LSAMP: variants seen among roughly 807,000 people sequenced by gnomAD.
LSAMP encodes limbic system associated membrane protein.
A neutral mutation model predicts 38.6 loss-of-function variants in LSAMP; 7 were observed. That is an observed-to-expected ratio of 0.18 (90% CI 0.10 to 0.34). The LOEUF is 0.34. Ranked by LOEUF, LSAMP falls within the 10% of genes least tolerant of loss-of-function variation. The pLI is 1.00. For synonymous variants in LSAMP, 154 were observed against 166.8 expected (o/e 0.92, Z 0.59); for missense variants, 313 against 420.0 (o/e 0.75, Z 2.23).
intron 2 of LSAMP, among the ~76,000 whole-genome samples, chr3:116,046,984 C>T (rs535099439): frequency 4.8e-4 from 73 of 152,194 alleles, no homozygotes; most frequent in African/African-American, 1.7e-3. Flanking sequence ...AATCATCTCC[C>T]GTTGCAAAGC....
chr3:115,875,272 C>A (rs1936152556), intron 3 of LSAMP, among the ~76,000 whole-genome samples: 1 of 152,124 alleles, frequency 6.6e-6, no homozygotes, highest in Non-Finnish European at 1.5e-5. Flanking sequence ...CAAATATATT[C>A]TTTAACTTCA....
At chr3:115,857,992 T>C (rs900232132) in intron 3 of LSAMP, among the ~76,000 whole-genome samples, 6 of 152,294 alleles carry the variant, frequency 3.9e-5, no homozygotes, top group African/African-American at 1.2e-4. Context: ...GTAGTTGCTA[T>C]GCAAAATGTT....
chr3:116,330,826 A>C (rs2047841912), intron 1 of LSAMP, among the ~76,000 whole-genome samples: 2 of 152,174 alleles, frequency 1.3e-5, no homozygotes, highest in African/African-American at 4.8e-5. Context: ...CCACATTATT[A>C]GATACAAATG....
At chr3:116,226,929 T>G (rs2046348690) in intron 1 of LSAMP, among the ~76,000 whole-genome samples, 1 of 152,202 alleles carries the variant, frequency 6.6e-6, no homozygotes, top group African/African-American at 2.4e-5. Flanking sequence ...TGTAACAAGG[T>G]GAAAGCTGGG....
In LSAMP at chr3:115,805,392, T is replaced by A. The variant is rs1248125047; in HGVS notation, c.*4925A>T. 2 of 152,206 alleles carry A rather than the reference T, an allele frequency of 1.3e-5. No individual in the cohort carries two copies. The allele number at this position is 152,206 out of a possible 1,614,324, so 9.4% of individuals were successfully genotyped here. On this transcript the variant is annotated 3_prime_UTR_variant, in exon 7 of 7. Coordinates refer to ENST00000490035, the MANE Select transcript of LSAMP (RefSeq NM_002338.5). ...AGTTTTTATTTATTTTTATTTGATTTTTTTTTCCTTAAGAATCATAGTAAA... is the reference window on the plus strand; with the variant it reads ...AGTTTTTATTTATTTTTATTTGATTATTTTTTCCTTAAGAATCATAGTAAA...
chr3:116,434,070 C>T (rs1559866820), intron 1 of LSAMP, among the ~76,000 whole-genome samples: 3 of 152,108 alleles, frequency 2.0e-5, no homozygotes, highest in South Asian at 2.1e-4. Context: ...ATCTCTTTAC[C>T]GTACCAATAA....
intron 3 of LSAMP, among the ~76,000 whole-genome samples, chr3:115,924,450 C>T (rs1937453696): frequency 6.6e-6 from 1 of 152,144 alleles, no homozygotes; most frequent in Admixed American, 6.6e-5. Context: ...CATAGGGTCA[C>T]AGAGAGAATG....
At chr3:116,202,440 C>G (rs2046000283) in intron 1 of LSAMP, among the ~76,000 whole-genome samples, 1 of 151,086 alleles carries the variant, frequency 6.6e-6, no homozygotes, top group Non-Finnish European at 1.5e-5. Flanking sequence ...AGCCCACACC[C>G]TTTGTTTCCT....
chr3:116,315,036 G>A (rs1383888429), intron 1 of LSAMP, among the ~76,000 whole-genome samples: 3 of 152,094 alleles, frequency 2.0e-5, no homozygotes, highest in Non-Finnish European at 4.4e-5. Flanking sequence ...TCAGGTTTTT[G>A]CTTCAATACT....
intron 1 of LSAMP, among the ~76,000 whole-genome samples, chr3:116,370,508 G>A (rs947339347): frequency 3.9e-5 from 6 of 152,164 alleles, no homozygotes; most frequent in Non-Finnish European, 8.8e-5. Flanking sequence ...TCATCAATTA[G>A]CAGAGTAGTA....
Position 116,389,822 on chromosome 3 carries a change from AATTTT to A in LSAMP, c.155+55050_155+55054del, listed in dbSNP as rs562993265. ...AATATAACTATCACTAATTCTGTGA[AATTTT>A]ATTTTATTTAAAATAATAAAAAAGT... On this transcript the variant is annotated intron_variant, in intron 1 of 6. Coordinates refer to ENST00000490035, the MANE Select transcript of LSAMP (RefSeq NM_002338.5). Among the ~76,000 whole-genome samples, 27 of 152,288 alleles carry A rather than the reference AATTTT, an allele frequency of 1.8e-4. No homozygotes were observed. In the South Asian group the frequency reaches 3.3e-3, roughly 19 times the overall value.
chr3:115,897,250 A>G (rs1358086589), intron 3 of LSAMP, among the ~76,000 whole-genome samples: 1 of 152,080 alleles, frequency 6.6e-6, no homozygotes, highest in African/African-American at 2.4e-5. Context: ...TTGTTGTTGT[A>G]TATAATTTTC....
intron 3 of LSAMP, among the ~76,000 whole-genome samples, chr3:115,997,068 G>T (rs796922194): frequency 2.6e-5 from 4 of 152,260 alleles, no homozygotes; most frequent in African/African-American, 9.6e-5. Flanking sequence ...GACCTTACAT[G>T]CCAGTGTGTA....
In LSAMP at chr3:115,862,982, G is replaced by A. The variant is rs192530557; in HGVS notation, c.515-10365C>T. Among the ~76,000 whole-genome samples the A allele has an allele frequency of 2.6e-4, 40 of 152,256 alleles. No individual in the cohort carries two copies. The South Asian group carries it at 7.3e-3, about 28-fold the overall frequency. ...TCCCTCTCCCAGGCTGGGCCCATGCGCTCCTAGAAGGCTATGAGGCCAGTG... is the reference window on the plus strand; with the variant it reads ...TCCCTCTCCCAGGCTGGGCCCATGCACTCCTAGAAGGCTATGAGGCCAGTG... On this transcript the variant is annotated intron_variant, in intron 3 of 6. Transcript: ENST00000490035.
intron 1 of LSAMP, among the ~76,000 whole-genome samples, chr3:116,223,124 G>A (rs2046307333): frequency 6.6e-6 from 1 of 152,026 alleles, no homozygotes; most frequent in African/African-American, 2.4e-5. Flanking sequence ...GGAAGTTTTA[G>A]CCCAGATGCA....
intron 1 of LSAMP, among the ~76,000 whole-genome samples, chr3:116,141,274 C>T (rs1392663722): frequency 1.3e-5 from 2 of 151,884 alleles, no homozygotes; most frequent in Non-Finnish European, 2.9e-5. Flanking sequence ...CCTCATACAT[C>T]TGTGATCTAC....
At chr3:116,130,328 C>G (rs1437905844) in intron 1 of LSAMP, among the ~76,000 whole-genome samples, 1 of 152,104 alleles carries the variant, frequency 6.6e-6, no homozygotes. Flanking sequence ...TATACAAAGA[C>G]AAAGATTATA....
intron 1 of LSAMP, among the ~76,000 whole-genome samples, chr3:116,103,383 T>A (rs1181893433): frequency 6.8e-6 from 1 of 148,004 alleles, no homozygotes; most frequent in Non-Finnish European, 1.5e-5. Context: ...CAGAATCGCT[T>A]GAACCTGGGA....
At chr3:116,443,214 G>T (rs139811423) in intron 1 of LSAMP, among the ~76,000 whole-genome samples, 2 of 152,162 alleles carry the variant, frequency 1.3e-5, no homozygotes, top group Non-Finnish European at 2.9e-5. Context: ...ATGCTTGTGT[G>T]TTTGCAAAAA....
Sources: allele counts gnomAD v4.1 joint callset (sites outside exome capture counted in the v4.1 genomes callset), GRCh38; gene constraint gnomAD v4.1.1; transcripts MANE v1.5; gene names NCBI Gene and HGNC (gene_info 2026-07-23, HGNC 2026-07-21).